Variants in RIMS2 observed in about 807,000 individuals in gnomAD.
RIMS2 encodes the protein regulating synaptic membrane exocytosis 2.
In RIMS2, 59 loss-of-function variants were observed where a neutral mutation model predicts 174.4. The observed-to-expected ratio is 0.34, with a 90% CI of 0.27 to 0.42. The LOEUF (loss-of-function observed/expected upper bound fraction) is 0.42, where lower values mean the gene tolerates loss of function less well. Ranked by LOEUF, RIMS2 falls within the 10% of genes least tolerant of loss-of-function variation. The pLI is 1.00. For synonymous variants in RIMS2, 606 were observed against 572.5 expected (o/e 1.06, Z -0.84); for missense variants, 1,620 against 1,666.3 (o/e 0.97, Z 0.48).
intron 19 of RIMS2, among the ~76,000 whole-genome samples, chr8:104,094,934 G>C (rs1364500232): frequency 1.3e-5 from 2 of 152,040 alleles, no homozygotes; most frequent in East Asian, 1.9e-4. Flanking sequence ...CTAGCTCTGA[G>C]AGTCTGATTT....
At chr8:104,236,495 G>A (rs968564376) in intron 19 of RIMS2, among the ~76,000 whole-genome samples, 2 of 151,944 alleles carry the variant, frequency 1.3e-5, no homozygotes, top group African/African-American at 4.8e-5. Context: ...TTAAGTCTAT[G>A]CTTTTACATT....
intron 1 of RIMS2, chr8:103,559,228 C>G (rs1367917982): frequency 5.0e-6 from 1 of 200,902 alleles, no homozygotes; most frequent in East Asian, 1.7e-4. Context: ...CCACTTCCTT[C>G]TTCTTCTTTT....
chr8:103,581,070 G>T (rs987882902), intron 1 of RIMS2, among the ~76,000 whole-genome samples: 3 of 151,740 alleles, frequency 2.0e-5, no homozygotes, highest in East Asian at 1.9e-4. Context: ...TGCCCGCCTC[G>T]GCCTCCCAAA....
Position 103,720,674 on chromosome 8 carries a change from A to G in RIMS2, c.387+23378A>G, listed in dbSNP as rs140802677. ...TAACTAGGAAATTAGACAAACATCC[A>G]GAGTATTTTTATCAGCAACATAGAG... On this transcript the variant is annotated intron_variant, in intron 2 of 23. Transcript: ENST00000504942. Among the ~76,000 whole-genome samples the G allele has an allele frequency of 3.9e-3, 588 of 152,326 alleles. 5 individuals are homozygous for G. The highest frequency in any genetic ancestry group is 3.1e-3 in the Non-Finnish European group (213 of 68,032).
At chr8:104,035,842 T>C (rs1383819629) in intron 19 of RIMS2, among the ~76,000 whole-genome samples, 2 of 152,142 alleles carry the variant, frequency 1.3e-5, no homozygotes, top group Non-Finnish European at 2.9e-5. Flanking sequence ...AAAATAAACA[T>C]ATTTTATTCT....
chr8:104,077,784 G>C (rs1283196601), intron 19 of RIMS2, among the ~76,000 whole-genome samples: 4 of 150,438 alleles, frequency 2.7e-5, no homozygotes, highest in African/African-American at 9.7e-5. Flanking sequence ...TTTATTCCTT[G>C]CCTCATTGGA....
intron 3 of RIMS2, among the ~76,000 whole-genome samples, chr8:103,821,947 A>G (rs528240582): frequency 1.3e-5 from 2 of 151,720 alleles, no homozygotes; most frequent in South Asian, 2.1e-4. Flanking sequence ...TTAAGCATCA[A>G]TTATATAACT....
intron 19 of RIMS2, chr8:104,094,866 T>G (rs1002669568): frequency 2.0e-5 from 11 of 553,426 alleles, no homozygotes; most frequent in African/African-American, 5.7e-5. Flanking sequence ...CTAATTAATA[T>G]GTTGGCAAAC....
intron 19 of RIMS2, among the ~76,000 whole-genome samples, chr8:104,158,266 A>T (rs1468581267): frequency 6.6e-6 from 1 of 152,094 alleles, no homozygotes; most frequent in Admixed American, 6.6e-5. Context: ...TGTGGTGTAT[A>T]TGTGCCACAT....
chr8:103,856,031 G>A (rs2099025773), intron 3 of RIMS2, among the ~76,000 whole-genome samples: 1 of 151,974 alleles, frequency 6.6e-6, no homozygotes, highest in African/African-American at 2.4e-5. Context: ...TATGAATCTG[G>A]GTGCTCCAAA....
intron 1 of RIMS2, among the ~76,000 whole-genome samples, chr8:103,578,559 AC>A (rs942452061): frequency 6.6e-6 from 1 of 151,978 alleles, no homozygotes; most frequent in African/African-American, 2.4e-5. Context: ...AAACAAAACA[AC>A]AACAACAACA....
intron 1 of RIMS2, among the ~76,000 whole-genome samples, chr8:103,623,867 C>T (rs2095708180): frequency 6.6e-6 from 1 of 151,786 alleles, no homozygotes; most frequent in Non-Finnish European, 1.5e-5. Context: ...CTAGGGAGAT[C>T]TATCACATTA....
chr8:104,004,128 A>G (rs903413552), intron 17 of RIMS2, among the ~76,000 whole-genome samples: 1 of 152,198 alleles, frequency 6.6e-6, no homozygotes, highest in Non-Finnish European at 1.5e-5. Context: ...GAGAAAGCTA[A>G]GAGGAAATAT....
intron 2 of RIMS2, among the ~76,000 whole-genome samples, chr8:103,765,377 A>G (rs555212641): frequency 6.6e-6 from 1 of 152,214 alleles, no homozygotes; most frequent in South Asian, 2.1e-4. Flanking sequence ...GTTGGAGGAG[A>G]GGAAAAGGGC....
intron 1 of RIMS2, among the ~76,000 whole-genome samples, chr8:103,660,433 T>A (rs1012539253): frequency 3.9e-5 from 6 of 152,220 alleles, no homozygotes; most frequent in Non-Finnish European, 8.8e-5. Flanking sequence ...ACACAGACTG[T>A]CTGCCTCGAG....
intron 19 of RIMS2, among the ~76,000 whole-genome samples, chr8:104,076,313 GT>G (rs35037487): frequency 1.3e-5 from 2 of 151,134 alleles, no homozygotes; most frequent in Non-Finnish European, 3.0e-5. Flanking sequence ...CCCTTCTATA[GT>G]TTTTTTTTGA....
At chr8:104,090,358 T>A (rs1471837243) in intron 19 of RIMS2, among the ~76,000 whole-genome samples, 1 of 151,660 alleles carries the variant, frequency 6.6e-6, no homozygotes, top group Non-Finnish European at 1.5e-5. Flanking sequence ...ATTAAAGCCT[T>A]TATGCACCTA....
intron 17 of RIMS2, among the ~76,000 whole-genome samples, chr8:104,012,279 C>A (rs943332248): frequency 6.6e-6 from 1 of 151,374 alleles, no homozygotes; most frequent in Admixed American, 6.6e-5. Flanking sequence ...TCTAAAGTCA[C>A]CTAATCTAAT....
intron 3 of RIMS2, among the ~76,000 whole-genome samples, chr8:103,878,778 A>C (rs1413068888): frequency 6.6e-6 from 1 of 151,416 alleles, no homozygotes; most frequent in South Asian, 2.1e-4. Flanking sequence ...GGGATCATCA[A>C]TTGTGCACGA....
Sources: gnomAD v4.1 joint callset for allele counts (sites outside exome capture counted in the v4.1 genomes callset) on GRCh38, gnomAD v4.1.1 for gene constraint, MANE v1.5 for transcripts, NCBI Gene and HGNC (gene_info 2026-07-23, HGNC 2026-07-21) for gene names.